The following SPTLC3 variants were observed in gnomAD, a reference collection of about 807,000 sequenced individuals.
SPTLC3 encodes the protein serine palmitoyltransferase 3.
A neutral mutation model predicts 59.3 loss-of-function variants in SPTLC3; 36 were observed. That is an observed-to-expected ratio of 0.61 (90% confidence interval 0.47 to 0.80). The LOEUF is 0.80. SPTLC3 is among the 30% of genes least tolerant of loss of function. SPTLC3 has a pLI of 0.00. For synonymous variants in SPTLC3, 257 were observed against 240.8 expected (o/e 1.07, Z -0.62); for missense variants, 625 against 685.1 (o/e 0.91, Z 0.98).
chr20:13,092,479 G>T (rs1041422142), intron 5 of SPTLC3, among the ~76,000 whole-genome samples: 5 of 152,174 alleles, frequency 3.3e-5, no homozygotes, highest in Non-Finnish European at 5.9e-5. Flanking sequence ...AAAAGCTTAA[G>T]ACATCATTAG....
At chr20:13,088,324 G>T (rs1253584713) in intron 4 of SPTLC3, among the ~76,000 whole-genome samples, 1 of 151,946 alleles carries the variant, frequency 6.6e-6, no homozygotes, top group Admixed American at 6.6e-5. Context: ...TGTTGTTGTT[G>T]TTTGTTTTTG....
At chr20:13,148,904 C>G (rs1187530517) in intron 9 of SPTLC3, among the ~76,000 whole-genome samples, 2 of 152,184 alleles carry the variant, frequency 1.3e-5, no homozygotes, top group Non-Finnish European at 2.9e-5. Flanking sequence ...CTACTAAATG[C>G]CAGATGCAGT....
chr20:13,075,135 A>T (rs1294320407), intron 4 of SPTLC3, among the ~76,000 whole-genome samples: 1 of 36,978 alleles, frequency 2.7e-5, no homozygotes, highest in Non-Finnish European at 6.4e-5. Flanking sequence ...TCATTTATTC[A>T]AAAAAAAAAA....
intron 4 of SPTLC3, among the ~76,000 whole-genome samples, chr20:13,090,384 G>T (rs899933039): frequency 2.6e-5 from 4 of 152,042 alleles, no homozygotes; most frequent in African/African-American, 4.8e-5. Flanking sequence ...CATTCCAAAG[G>T]TTCAATAAAT....
At chr20:13,095,037 T>C (rs1989363952) in intron 6 of SPTLC3, among the ~76,000 whole-genome samples, 1 of 152,210 alleles carries the variant, frequency 6.6e-6, no homozygotes, top group African/African-American at 2.4e-5. Flanking sequence ...GACTCAAATC[T>C]TTGGCAGTGT....
In SPTLC3 at chr20:13,110,222, G is replaced by A. The variant is rs1214447455; in HGVS notation, c.932+5G>A. On this transcript the variant is annotated splice_donor_5th_base_variant and intron_variant, in intron 7 of 11. Transcript: ENST00000399002. ...CCTGGTGGAGGGTGTCTACAGGTAT[G>A]TAAATAACAGGACACATTTTACGAC... is the stretch of plus-strand genomic sequence containing the variant. The A allele has an allele frequency of 6.2e-7, 1 of 1,611,058 alleles. No homozygotes were observed.
At chr20:13,131,291 T>TA (rs1377239533) in intron 9 of SPTLC3, among the ~76,000 whole-genome samples, 2 of 152,206 alleles carry the variant, frequency 1.3e-5, no homozygotes, top group Admixed American at 1.3e-4. Flanking sequence ...TCAGAGAAGA[T>TA]AGAGTTTGTA....
chr20:13,053,430 G>A (rs1424298174), intron 2 of SPTLC3, among the ~76,000 whole-genome samples: 1 of 152,086 alleles, frequency 6.6e-6, no homozygotes, highest in African/African-American at 2.4e-5. Context: ...AAATCCATGA[G>A]GATGAGGAAA....
Position 13,117,429 on chromosome 20 carries a change from G to A in SPTLC3, c.933-77G>A, listed in dbSNP as rs563380951. ...GCGTGTGTCAGGGAAGACTGTCTAG[G>A]ATGTATTGATGGGGAAACTGACAGA... On this transcript the variant is annotated intron_variant, in intron 7 of 11. Coordinates refer to ENST00000399002, the MANE Select transcript of SPTLC3 (RefSeq NM_018327.4). The A allele has an allele frequency of 2.6e-5, 35 of 1,349,108 alleles. No individual in the cohort carries two copies. In the South Asian group the frequency reaches 4.6e-4, roughly 18 times the overall value. The allele number at this position is 1,349,108 out of a possible 1,614,324, so 83.6% of individuals were successfully genotyped here.
chr20:13,117,800 T>A, intron 8 of SPTLC3, 75 bp downstream of exon 8: 2 of 1,374,384 alleles, frequency 1.5e-6, no homozygotes, highest in East Asian at 4.6e-5. Context: ...TTCTCTGAAT[T>A]TCATGAAAGC....
chr20:13,047,331 C>T (rs1410432452), intron 1 of SPTLC3, among the ~76,000 whole-genome samples: 4 of 151,956 alleles, frequency 2.6e-5, no homozygotes, highest in Non-Finnish European at 4.4e-5. Context: ...CTAGGAGAAT[C>T]GTCAAAACAG....
chr20:13,054,794 T>A (rs1203269004), intron 2 of SPTLC3, among the ~76,000 whole-genome samples: 3 of 152,182 alleles, frequency 2.0e-5, no homozygotes, highest in Non-Finnish European at 4.4e-5. Flanking sequence ...ACATCTTCAG[T>A]TTATCTTCAG....
intron 4 of SPTLC3, among the ~76,000 whole-genome samples, chr20:13,080,511 C>CACAAAAAAAAAAA (rs1988804086): frequency 8.1e-6 from 1 of 122,882 alleles, no homozygotes; most frequent in Non-Finnish European, 1.6e-5. Flanking sequence ...CATCCATCTC[C>CACAAAAAAAAAAA]AAAAAAAAAA....
intron 7 of SPTLC3, among the ~76,000 whole-genome samples, chr20:13,110,906 T>C (rs944494243): frequency 1.3e-5 from 2 of 152,066 alleles, no homozygotes; most frequent in African/African-American, 4.8e-5. Flanking sequence ...AAGTGAAGGC[T>C]GTTCAACTTT....
intron 5 of SPTLC3, among the ~76,000 whole-genome samples, chr20:13,092,120 A>G (rs243876): frequency 0.19 from 29,508 of 152,234 alleles, 3,015 homozygotes; most frequent in African/African-American, 0.23. Context: ...TGGTGAGAGG[A>G]GAACAGAATT....
intron 9 of SPTLC3, 152 bp from the exon 10 acceptor site, chr20:13,153,851 G>A: frequency 9.8e-7 from 1 of 1,015,992 alleles, no homozygotes; most frequent in Non-Finnish European, 1.4e-6. Context: ...GCCCACACCT[G>A]CTCCCCAGGA....
chr20:13,109,303 CT>C (rs1990090595), intron 6 of SPTLC3, among the ~76,000 whole-genome samples: 1 of 152,232 alleles, frequency 6.6e-6, no homozygotes, highest in African/African-American at 2.4e-5. Context: ...GGGACAATGG[CT>C]TTCACATAAG....
In SPTLC3 at chr20:13,059,230, C is replaced by G. The variant is rs972788957; in HGVS notation, c.303+10100C>G. ...TTTATTTCAGTGCCCTAAAATTATC[C>G]TAGCCTGTGTGCAGGAATGGGTAAA... On this transcript the variant is annotated intron_variant, in intron 2 of 11. Transcript: ENST00000399002. Among the ~76,000 whole-genome samples the G allele has an allele frequency of 3.4e-5, 5 of 148,242 alleles. No individual in the cohort carries two copies. In the East Asian group the frequency reaches 9.6e-4, roughly 28 times the overall value.
chr20:13,131,447 T>G (rs1025215063), intron 9 of SPTLC3, among the ~76,000 whole-genome samples: 1 of 152,232 alleles, frequency 6.6e-6, no homozygotes, highest in Non-Finnish European at 1.5e-5. Context: ...GTGATACAGA[T>G]AAGGAACTTA....
Sources: allele counts gnomAD v4.1 joint callset (sites outside exome capture counted in the v4.1 genomes callset), GRCh38; gene constraint gnomAD v4.1.1; transcripts MANE v1.5; gene names NCBI Gene and HGNC (gene_info 2026-07-23, HGNC 2026-07-21).